The following PPFIA3 variants were observed in gnomAD, a reference collection of about 807,000 sequenced individuals.
The protein encoded by PPFIA3 is liprin-alpha-3.
A neutral mutation model predicts 145.8 loss-of-function variants in PPFIA3; 26 were observed. The ratio of observed to expected loss-of-function variants is 0.18; its 90% CI spans 0.13 to 0.25. The LOEUF is 0.25. Among genes scored for constraint, PPFIA3 ranks in the 10% least tolerant of loss-of-function variants. PPFIA3 has a pLI of 1.00. For synonymous variants in PPFIA3, 645 were observed against 661.4 expected (o/e 0.98, Z 0.38); for missense variants, 1,008 against 1,587.8 (o/e 0.63, Z 6.21).
intron 23 of PPFIA3, among the ~76,000 whole-genome samples, chr19:49,147,083 G>A (rs2041289219): frequency 6.6e-6 from 1 of 152,168 alleles, no homozygotes; most frequent in African/African-American, 2.4e-5. Context: ...TGAGGGACTT[G>A]GGACTCATCT....
At chr19:49,141,282 T>C in intron 18 of PPFIA3, 138 bp from the exon 19 acceptor site, 1 of 622,796 alleles carries the variant, frequency 1.6e-6, no homozygotes, top group East Asian at 2.9e-5. Context: ...TGTCTGCCTT[T>C]ATCACTTCCT....
chr19:49,130,506 G>A lies in PPFIA3; in HGVS notation c.786G>A (p.Gln262=), dbSNP rs1289703087. Residue 262 remains glutamine (Q), a synonymous_variant, in exon 7 of 30, where the codon CAG becomes CAA. Transcript: ENST00000334186. The surrounding 1 kb of genome is among the most constrained non-coding windows in gnomAD (Gnocchi z 4.5). Reference sequence around the variant, plus strand: ...AGCGCCTGGCGGTGCTGTGCCGTCAGATGAGCCAGCTGGAGGAGGAGTTGG... The same window carrying A: ...AGCGCCTGGCGGTGCTGTGCCGTCAAATGAGCCAGCTGGAGGAGGAGTTGG... The part of the protein sequence containing the change: ...LRERLAVLCR[Q]MSQLEEELGT... The A allele has an allele frequency of 3.1e-6, 5 of 1,596,320 alleles. No individual in the cohort carries two copies. Among genetic ancestry groups the A allele is most frequent in the Non-Finnish European group, 3.4e-6 (4 of 1,172,376 alleles).
rs1448053294 is a variant in PPFIA3 at position 49,120,501 on chromosome 19, CTGTCCG to C, written c.-16+784_-16+789del. ...GCAGCTCCCACCCCGTTCGGGAAGC[CTGTCCG>C]TGTCTACACCTCTGCTGGCCCCAGG... is the stretch of plus-strand genomic sequence containing the variant. On this transcript the variant is annotated intron_variant, in intron 1 of 29. Transcript: ENST00000334186. This position sits in a 1 kb window ranked among gnomAD's most constrained non-coding sequence, Gnocchi z 4.6. 6.6e-6 allele frequency among the ~76,000 whole-genome samples: 1 copy of C among 152,170 alleles called. No individual in the cohort carries two copies. The highest frequency in any genetic ancestry group is 1.5e-5 in the Non-Finnish European group (1 of 68,004).
At position 49,150,300 on chromosome 19, in the gene PPFIA3, G is replaced by A; in HGVS notation, c.*78G>A. ...CTGTTCCCTCTCCTGCCCGGACTGT[G>A]GCCTCGCCGGGGAGAGCGGGCGGGG... is the stretch of plus-strand genomic sequence containing the variant. On this transcript the variant is annotated 3_prime_UTR_variant, in exon 30 of 30. Transcript: ENST00000334186. 1 of 770,444 alleles carries A rather than the reference G, an allele frequency of 1.3e-6. No individual in the cohort carries two copies. The highest frequency in any genetic ancestry group is 2.0e-6 in the Non-Finnish European group (1 of 493,190). 47.7% of individuals were successfully genotyped at this position (770,444 alleles called of 1,614,324 possible).
intron 11 of PPFIA3, 44 bp from the exon 12 acceptor site, chr19:49,134,594 TG>T: frequency 6.3e-7 from 1 of 1,576,450 alleles, no homozygotes; most frequent in Non-Finnish European, 8.7e-7. Context: ...CCCACGGGCG[TG>T]GCCCCTCAGG....
At chr19:49,126,289 C>G (rs2040997738) in intron 1 of PPFIA3, among the ~76,000 whole-genome samples, 1 of 149,050 alleles carries the variant, frequency 6.7e-6, no homozygotes, top group Admixed American at 6.8e-5. Context: ...CACACTGTTG[C>G]CCAGGCTGGA....
intron 25 of PPFIA3, 101 bp downstream of exon 25, chr19:49,148,864 C>T: frequency 2.7e-6 from 4 of 1,481,476 alleles, no homozygotes; most frequent in Non-Finnish European, 3.6e-6. Context: ...AAATTGGCAC[C>T]ATAACCGTGG....
intron 23 of PPFIA3, among the ~76,000 whole-genome samples, chr19:49,147,712 A>AG (rs2041297226): frequency 2.1e-4 from 16 of 75,416 alleles, no homozygotes; most frequent in African/African-American, 5.1e-4. Context: ...GAGAGAGAGA[A>AG]AGAGAGAAAG....
intron 1 of PPFIA3, among the ~76,000 whole-genome samples, chr19:49,124,659 T>A (rs1390980647): frequency 6.6e-6 from 1 of 152,136 alleles, no homozygotes; most frequent in Non-Finnish European, 1.5e-5. Flanking sequence ...ACCTTCTAGG[T>A]TCTATGTCCA....
At chr19:49,144,336 G>C (rs2041257234) in intron 21 of PPFIA3, among the ~76,000 whole-genome samples, 1 of 152,200 alleles carries the variant, frequency 6.6e-6, no homozygotes, top group Admixed American at 6.5e-5. Flanking sequence ...CTTTGTGCAT[G>C]AAACAAAGTT....
rs377170759 is a variant in PPFIA3, at chr19:49,148,085, C to G, written c.2838C>G (p.Ile946Met). 1.2e-5 allele frequency: 20 copies of G among 1,610,986 alleles called. No individual in the cohort carries two copies. Among genetic ancestry groups the G allele is most frequent in the Non-Finnish European group, 1.7e-6 (2 of 1,178,354 alleles). Reference protein sequence around the residue: ...PETKEISWEQILAYGDMNHEW... With the variant: ...PETKEISWEQMLAYGDMNHEW... ...CCCTCACCTGCCCATGGCCCCAGAT[C>G]CTGGCATATGGCGACATGAACCACG... is the stretch of plus-strand genomic sequence containing the variant. Residue 946 changes from isoleucine to methionine, a missense_variant and splice_region_variant, in exon 24 of 30, where the codon ATC (isoleucine) becomes ATG (methionine). Around this residue, in one of 11 missense-constraint regions of PPFIA3, gnomAD observed 154 missense variants for 369.2 expected, o/e 0.42. Coordinates refer to ENST00000334186, the MANE Select transcript of PPFIA3 (RefSeq NM_003660.4).
Position 49,129,973 on chromosome 19 carries a change from T to A in PPFIA3, c.583-20T>A, listed in dbSNP as rs556666036. 3 of 1,612,988 alleles carry A rather than the reference T, an allele frequency of 1.9e-6. No individual in the cohort carries two copies. The highest frequency in any genetic ancestry group is 1.7e-6 in the Non-Finnish European group (2 of 1,179,450). On this transcript the variant is annotated intron_variant, in intron 5 of 29. Coordinates refer to ENST00000334186, the MANE Select transcript of PPFIA3 (RefSeq NM_003660.4). Reference sequence around the variant, plus strand: ...GGTTCAGGGAGCCCCTGTGCTCTGATTCCCCTTTCACACTTCCAGACTCTG... The same window carrying A: ...GGTTCAGGGAGCCCCTGTGCTCTGAATCCCCTTTCACACTTCCAGACTCTG...
chr19:49,139,801 C>T lies in PPFIA3; in HGVS notation c.2210C>T (p.Ser737Phe), dbSNP rs774025991. The T allele has an allele frequency of 1.9e-6, 3 of 1,611,950 alleles. No individual in the cohort carries two copies. The highest frequency in any genetic ancestry group is 2.5e-6 in the Non-Finnish European group (3 of 1,178,688). The change falls in exon 17 of 30, where the codon TCC becomes TTC. Residue 737 changes from serine (S) to phenylalanine (F), a missense_variant. Ser to Phe is a radical substitution (Grantham distance 155). Around this residue, in one of 11 missense-constraint regions of PPFIA3, gnomAD observed 202 missense variants for 241.8 expected, o/e 0.84. Transcript: ENST00000334186. ...CAGGCCTTGGCACTGCAGGCGGGGT[C>T]CCTGGAAGATGGGGGACCCCCACGG... Reference protein sequence around the residue: ...MTQALALQAGSLEDGGPPRGS... With the variant: ...MTQALALQAGFLEDGGPPRGS...
At chr19:49,123,326 G>A (rs1269432488) in intron 1 of PPFIA3, among the ~76,000 whole-genome samples, 1 of 152,070 alleles carries the variant, frequency 6.6e-6, no homozygotes, top group Non-Finnish European at 1.5e-5. Context: ...ACCACGCCCG[G>A]CCTGTTATCG....
rs200847028 is a variant in PPFIA3, at chr19:49,140,408, CA to C, written c.2368+322del. 8.9e-3 allele frequency among the ~76,000 whole-genome samples: 1,317 copies of C among 148,104 alleles called. 6 individuals carry two copies. The highest frequency in any genetic ancestry group is 0.015 in the Middle Eastern group (4 of 262). ...TGTCACCCAGGCTGGAGTGCAGTGG[CA>C]ACGATCTTGGCTCACTGGAACCTCT... On this transcript the variant is annotated intron_variant, in intron 18 of 29. Coordinates refer to ENST00000334186, the MANE Select transcript of PPFIA3 (RefSeq NM_003660.4).
intron 13 of PPFIA3, among the ~76,000 whole-genome samples, chr19:49,135,312 G>C (rs2041125283): frequency 6.6e-6 from 1 of 152,098 alleles, no homozygotes; most frequent in South Asian, 2.1e-4. Flanking sequence ...AAAGTGCTGG[G>C]ATTACAGGTG....
chr19:49,134,656 G>A lies in PPFIA3; in HGVS notation c.1395G>A (p.Glu465=). The change falls in exon 12 of 30, where the codon GAG becomes GAA. Residue 465 remains glutamate, a synonymous_variant. Coordinates refer to ENST00000334186, the MANE Select transcript of PPFIA3 (RefSeq NM_003660.4). The part of the protein sequence containing the change: ...ALEEKNSLSE[E]IANMKKLQDE... ...CTCCACAGAACTCCCTGAGCGAGGA[G>A]ATAGCCAACATGAAGAAGCTTCAGG... 1.2e-6 allele frequency: 2 copies of A among 1,613,940 alleles called. No homozygotes were observed. Among genetic ancestry groups the A allele is most frequent in the Non-Finnish European group, 1.7e-6 (2 of 1,180,014 alleles).
Position 49,149,270 on chromosome 19 carries a change from T to C in PPFIA3, c.3299T>C (p.Leu1100Pro). ...PTQNAQARQLLEKEFSNLISL... is the reference protein window; with the variant it reads ...PTQNAQARQLPEKEFSNLISL... ...TCCTCTTTCCAGGCCCGGCAGCTTC[T>C]GGAGAAGGAATTCAGCAACCTTATC... Residue 1100 changes from leucine to proline, a missense_variant, in exon 27 of 30, where the codon CTG (leucine) becomes CCG (proline). By Grantham distance (98) the Leu-to-Pro change is moderately conservative. Coordinates refer to ENST00000334186, the MANE Select transcript of PPFIA3 (RefSeq NM_003660.4). This position sits in a 1 kb window ranked among gnomAD's most constrained non-coding sequence, Gnocchi z 5.7. 6.2e-7 allele frequency: 1 copy of C among 1,614,190 alleles called. No individual in the cohort carries two copies. Among genetic ancestry groups the C allele is most frequent in the Non-Finnish European group, 8.5e-7 (1 of 1,180,032 alleles).
chr19:49,142,515 A>G (rs1172676223), intron 20 of PPFIA3, among the ~76,000 whole-genome samples: 3 of 125,078 alleles, frequency 2.4e-5, no homozygotes, highest in South Asian at 2.7e-4. Flanking sequence ...CCCACCCTCT[A>G]TTTCTCTCTC....
Sources: allele counts gnomAD v4.1 joint callset (sites outside exome capture counted in the v4.1 genomes callset), GRCh38; gene constraint gnomAD v4.1.1; regional missense constraint gnomAD v4.1.1; non-coding constraint Gnocchi (gnomAD v3.1); transcripts MANE v1.5; gene names NCBI Gene and HGNC (gene_info 2026-07-23, HGNC 2026-07-21).